GLRA2: variants seen among roughly 807,000 people sequenced by gnomAD.
The protein encoded by GLRA2 is glycine receptor alpha 2.
GLRA2 carries 11 observed loss-of-function variants against 31.6 expected under a neutral mutation model. The ratio of observed to expected loss-of-function variants is 0.35; its 90% CI spans 0.22 to 0.58. The LOEUF is 0.58. GLRA2 is among the 20% of genes least tolerant of loss of function. The probability of loss-of-function intolerance (pLI) is 0.84; values close to 1 mark genes in which losing one functional copy is unlikely to be tolerated. For synonymous variants in GLRA2, 132 were observed against 134.0 expected (o/e 0.99, Z 0.10); for missense variants, 212 against 351.8 (o/e 0.60, Z 3.18).
chrX:14,463,091 T>C, the GLRA2 span, among the ~76,000 whole-genome samples: 14 of 111,971 alleles, frequency 1.3e-4, no homozygotes, highest in East Asian at 4.0e-3. Flanking sequence ...GTTTTCCTTC[T>C]AGCAGACAGG....
Position 14,529,610 on chromosome X carries a change from G to A in GLRA2, c.-448G>A. 7.3e-6 allele frequency: 1 copy of A among 136,965 alleles called. No individual in the cohort carries two copies. Among genetic ancestry groups the A allele is most frequent in the Non-Finnish European group, 1.4e-5 (1 of 69,434 alleles). 11.3% of individuals were successfully genotyped at this position (136,965 alleles called of 1,213,427 possible). On this transcript the variant is annotated 5_prime_UTR_variant, in exon 1 of 9. Transcript: ENST00000218075. ...CTCTTCCCCCCACCCACTCCAGCGCGCAGAGTCCTTTCTTCTCTCTCATTT... is the reference window on the plus strand; with the variant it reads ...CTCTTCCCCCCACCCACTCCAGCGCACAGAGTCCTTTCTTCTCTCTCATTT...
the GLRA2 span, among the ~76,000 whole-genome samples, chrX:14,503,004 T>C: frequency 9.0e-6 from 1 of 110,735 alleles, no homozygotes; most frequent in Non-Finnish European, 1.9e-5. Flanking sequence ...GGAGCATGCA[T>C]GCATATTGAG....
intron 8 of GLRA2, among the ~76,000 whole-genome samples, chrX:14,712,408 T>G (rs5935798): frequency 9.0e-6 from 1 of 110,500 alleles, no homozygotes; most frequent in East Asian, 2.8e-4. Flanking sequence ...TTCTAGATCC[T>G]CTCCACTAAT....
chrX:14,623,457 G>A (rs2090547070), intron 7 of GLRA2, among the ~76,000 whole-genome samples: 2 of 111,051 alleles, frequency 1.8e-5, no homozygotes, highest in South Asian at 7.7e-4. Context: ...TCCAGTTTTT[G>A]CCCATTCAGT....
chrX:14,714,635 G>T (rs189829944), intron 8 of GLRA2, among the ~76,000 whole-genome samples: 32 of 111,700 alleles, frequency 2.9e-4, no homozygotes, highest in Non-Finnish European at 7.5e-5. Flanking sequence ...CCCCACTACT[G>T]GGGGTGAAGT....
intron 4 of GLRA2, among the ~76,000 whole-genome samples, chrX:14,592,514 A>G (rs916036734): frequency 4.5e-5 from 5 of 110,488 alleles, no homozygotes; most frequent in Non-Finnish European, 9.4e-5. Flanking sequence ...TACAAAAAAT[A>G]CAAAAAAACT....
the GLRA2 span, among the ~76,000 whole-genome samples, chrX:14,479,753 T>G: frequency 8.9e-6 from 1 of 111,915 alleles, no homozygotes; most frequent in Non-Finnish European, 1.9e-5. Flanking sequence ...AGGTATCACA[T>G]TCTCTTTATC....
chrX:14,714,937 C>G (rs1364048873), intron 8 of GLRA2, among the ~76,000 whole-genome samples: 1 of 112,078 alleles, frequency 8.9e-6, no homozygotes, highest in Non-Finnish European at 1.9e-5. Flanking sequence ...TAATGTTATA[C>G]AAATACTCCT....
At chrX:14,462,597 T>A in the GLRA2 span, among the ~76,000 whole-genome samples, 2 of 111,851 alleles carry the variant, frequency 1.8e-5, no homozygotes, top group African/African-American at 6.5e-5. Context: ...TTCATTAATT[T>A]GATCTTCAGT....
chrX:14,621,117 G>T (rs910981017), intron 7 of GLRA2, among the ~76,000 whole-genome samples: 1 of 111,646 alleles, frequency 9.0e-6, no homozygotes, highest in Non-Finnish European at 1.9e-5. Context: ...TATTGTGGAA[G>T]TACTGTAAAG....
At chrX:14,471,185 G>A in the GLRA2 span, among the ~76,000 whole-genome samples, 1 of 111,450 alleles carries the variant, frequency 9.0e-6, no homozygotes, top group South Asian at 3.7e-4. Flanking sequence ...TACTTTTTTT[G>A]ATTAAACACA....
intron 1 of GLRA2, among the ~76,000 whole-genome samples, chrX:14,531,632 G>A (rs1438626410): frequency 9.0e-6 from 1 of 110,842 alleles, no homozygotes; most frequent in African/African-American, 3.3e-5. Flanking sequence ...AATAATAGAA[G>A]TCATATACAT....
chrX:14,656,509 G>T (rs770023279), intron 7 of GLRA2, among the ~76,000 whole-genome samples: 1 of 111,717 alleles, frequency 9.0e-6, no homozygotes, highest in African/African-American at 3.3e-5. Context: ...ACTAAAGCAG[G>T]GGGGAGATGA....
the GLRA2 span, among the ~76,000 whole-genome samples, chrX:14,514,153 A>G: frequency 4.5e-5 from 5 of 110,937 alleles, no homozygotes; most frequent in Non-Finnish European, 9.4e-5. Flanking sequence ...TAACTCAGGA[A>G]TGGAAAACCA....
chrX:14,499,676 C>G, the GLRA2 span, among the ~76,000 whole-genome samples: 1 of 110,808 alleles, frequency 9.0e-6, no homozygotes, highest in African/African-American at 3.3e-5. Flanking sequence ...AAGATGGGAA[C>G]TATAGACACT....
At chrX:14,686,985 T>G (rs1256637486) in intron 7 of GLRA2, among the ~76,000 whole-genome samples, 1 of 112,157 alleles carries the variant, frequency 8.9e-6, no homozygotes, top group Non-Finnish European at 1.9e-5. Context: ...AGGAGCTCTT[T>G]TAGGGCAGGC....
chrX:14,537,165 G>A (rs988036484), intron 2 of GLRA2, among the ~76,000 whole-genome samples: 1 of 111,337 alleles, frequency 9.0e-6, no homozygotes, highest in Non-Finnish European at 1.9e-5. Context: ...ACCTTGCAAA[G>A]TACATATAGC....
At chrX:14,621,324 A>G (rs759776589) in intron 7 of GLRA2, among the ~76,000 whole-genome samples, 10 of 110,827 alleles carry the variant, frequency 9.0e-5, no homozygotes, top group African/African-American at 3.3e-4. Flanking sequence ...TCCAGACATC[A>G]GCATTTTTTT....
chrX:14,639,520 T>C (rs1380459716), intron 7 of GLRA2, among the ~76,000 whole-genome samples: 2 of 112,289 alleles, frequency 1.8e-5, no homozygotes, highest in East Asian at 2.8e-4. Flanking sequence ...CAATTACTTA[T>C]GTTTTTCTCT....
Sources: allele counts gnomAD v4.1 joint callset (sites outside exome capture counted in the v4.1 genomes callset), GRCh38; gene constraint gnomAD v4.1.1; transcripts MANE v1.5; gene names NCBI Gene and HGNC (gene_info 2026-07-23, HGNC 2026-07-21).